SPATA17: variants seen among roughly 807,000 people sequenced by gnomAD.
The protein encoded by SPATA17 is spermatogenesis associated 17.
SPATA17 carries 53 observed loss-of-function variants against 62.2 expected under a neutral mutation model. That is an observed-to-expected ratio of 0.85 (90% CI 0.68 to 1.07). The LOEUF is 1.07. Ranked by LOEUF, SPATA17 falls within the 50% of genes least tolerant of loss-of-function variation. The pLI is 0.00. For missense variants in SPATA17, 466 were observed against 425.5 expected (o/e 1.10, Z -0.84); for synonymous variants, 146 against 146.8 (o/e 0.99, Z 0.04).
At chr1:217,633,412 A>G (rs1379828191) in intron 1 of SPATA17, among the ~76,000 whole-genome samples, 2 of 152,038 alleles carry the variant, frequency 1.3e-5, no homozygotes, top group Non-Finnish European at 2.9e-5. Context: ...TTTTAGAGCT[A>G]TAGAACAATG....
At chr1:217,681,188 C>T (rs566899168) in intron 4 of SPATA17, among the ~76,000 whole-genome samples, 47 of 151,208 alleles carry the variant, frequency 3.1e-4, no homozygotes, top group African/African-American at 1.1e-3. Flanking sequence ...AATCGCGCCA[C>T]TGCACTCCAG....
chr1:217,643,180 C>G (rs1670105202), intron 1 of SPATA17, among the ~76,000 whole-genome samples: 1 of 151,584 alleles, frequency 6.6e-6, no homozygotes, highest in East Asian at 1.9e-4. Flanking sequence ...TAGTTTTTTT[C>G]TCTTACCTTT....
intron 1 of SPATA17, among the ~76,000 whole-genome samples, chr1:217,632,620 GAC>G (rs1341224248): frequency 2.0e-5 from 3 of 152,128 alleles, no homozygotes; most frequent in Non-Finnish European, 2.9e-5. Flanking sequence ...TAGTAGCAGA[GAC>G]AGTGTCTCTT....
At chr1:217,693,235 G>A (rs1437422554) in intron 5 of SPATA17, among the ~76,000 whole-genome samples, 4 of 147,906 alleles carry the variant, frequency 2.7e-5, no homozygotes, top group South Asian at 2.2e-4. Context: ...TGTATGTGTC[G>A]AGGAATGTAT....
intron 9 of SPATA17, among the ~76,000 whole-genome samples, chr1:217,819,745 A>G (rs1178251810): frequency 6.6e-6 from 1 of 152,000 alleles, no homozygotes; most frequent in Non-Finnish European, 1.5e-5. Context: ...ATTTCCTAGT[A>G]AGGCTGAAGG....
intron 5 of SPATA17, among the ~76,000 whole-genome samples, chr1:217,704,471 C>G (rs934441910): frequency 6.6e-6 from 1 of 150,572 alleles, no homozygotes; most frequent in South Asian, 2.1e-4. Context: ...AGGATGGTCT[C>G]GATCTCCTGA....
intron 2 of SPATA17, 130 bp downstream of exon 2, chr1:217,649,101 A>G: frequency 1.7e-6 from 1 of 598,106 alleles, no homozygotes; most frequent in South Asian, 2.8e-5. Context: ...GATAAATTGT[A>G]TGTATTTCTT....
At chr1:217,858,703 C>T (rs964177812) in intron 9 of SPATA17, among the ~76,000 whole-genome samples, 1 of 138,584 alleles carries the variant, frequency 7.2e-6, no homozygotes, top group Non-Finnish European at 1.6e-5. Flanking sequence ...GCCTGGGCGA[C>T]ATAGCAAGAC....
At chr1:217,848,514 A>G (rs925625314) in intron 9 of SPATA17, among the ~76,000 whole-genome samples, 4 of 152,118 alleles carry the variant, frequency 2.6e-5, no homozygotes, top group South Asian at 2.1e-4. Flanking sequence ...GTAACTTTTT[A>G]TATTCCCTGG....
At chr1:217,738,339 C>T (rs1431534048) in intron 5 of SPATA17, among the ~76,000 whole-genome samples, 2 of 152,180 alleles carry the variant, frequency 1.3e-5, no homozygotes, top group African/African-American at 4.8e-5. Context: ...AGTGCACTCT[C>T]ATCCAGAGAG....
chr1:217,785,281 C>T (rs1673832699), intron 8 of SPATA17, among the ~76,000 whole-genome samples: 1 of 152,108 alleles, frequency 6.6e-6, no homozygotes, highest in Admixed American at 6.6e-5. Context: ...TCCGTTCTCA[C>T]ACTGCTATGA....
At chr1:217,820,854 T>C (rs1438009275) in intron 9 of SPATA17, among the ~76,000 whole-genome samples, 3 of 152,022 alleles carry the variant, frequency 2.0e-5, no homozygotes, top group African/African-American at 7.2e-5. Flanking sequence ...AGCCGGGTAG[T>C]TTTTAAAGAC....
In SPATA17 at chr1:217,727,247, CAATAATAATAAT is replaced by C. The variant is rs59885913; in HGVS notation, c.396-14698_396-14687del. Among the ~76,000 whole-genome samples the C allele has an allele frequency of 6.6e-4, 87 of 132,776 alleles. 1 individual carries two copies. Among genetic ancestry groups the C allele is most frequent in the Admixed American group, 2.8e-3 (39 of 13,748 alleles). 87.1% of individuals were successfully genotyped at this position (132,776 alleles called of 152,430 possible). On this transcript the variant is annotated intron_variant, in intron 5 of 10. Transcript: ENST00000366933. ...GGGCAACAAGAGCAAAACTCCGTCT[CAATAATAATAAT>C]AATAATAATAATAATAATAATAATA...
At chr1:217,775,660 C>T (rs1347365054) in intron 7 of SPATA17, among the ~76,000 whole-genome samples, 1 of 151,982 alleles carries the variant, frequency 6.6e-6, no homozygotes, top group Non-Finnish European at 1.5e-5. Context: ...CGAGATCGTG[C>T]CACTGCCCTC....
intron 9 of SPATA17, among the ~76,000 whole-genome samples, chr1:217,849,089 T>A (rs1212041714): frequency 6.6e-6 from 1 of 152,220 alleles, no homozygotes; most frequent in African/African-American, 2.4e-5. Flanking sequence ...TTGGTTCTGC[T>A]TTTTGCATCA....
At chr1:217,704,450 C>T (rs968413120) in intron 5 of SPATA17, among the ~76,000 whole-genome samples, 33 of 150,346 alleles carry the variant, frequency 2.2e-4, no homozygotes, top group African/African-American at 7.8e-4. Flanking sequence ...CGGGGTTTCA[C>T]CTTGTTAGCC....
chr1:217,651,889 G>A (rs990926793), intron 3 of SPATA17, among the ~76,000 whole-genome samples: 19 of 152,108 alleles, frequency 1.2e-4, no homozygotes, highest in African/African-American at 4.1e-4. Context: ...AGTAACCGTC[G>A]TACTCATTTG....
chr1:217,723,252 A>C (rs1215947878), intron 5 of SPATA17, among the ~76,000 whole-genome samples: 1 of 152,204 alleles, frequency 6.6e-6, no homozygotes, highest in Non-Finnish European at 1.5e-5. Context: ...GAAAAGTAAA[A>C]GGATTGGGAT....
rs544330167 is a variant in SPATA17, at chr1:217,764,254, C to T, written c.520-10080C>T. On this transcript the variant is annotated intron_variant, in intron 6 of 10. Transcript: ENST00000366933. ...GCTCTGCCTCTTCATCCCTCCCTCCCTACAACCTCCGTAAGCCACTGATCC... is the reference window on the plus strand; with the variant it reads ...GCTCTGCCTCTTCATCCCTCCCTCCTTACAACCTCCGTAAGCCACTGATCC... Among the ~76,000 whole-genome samples the T allele has an allele frequency of 3.3e-5, 5 of 152,284 alleles. No individual in the cohort carries two copies. The East Asian group carries it at 9.7e-4, about 29-fold the overall frequency.
Sources: allele counts gnomAD v4.1 joint callset (sites outside exome capture counted in the v4.1 genomes callset), GRCh38; gene constraint gnomAD v4.1.1; transcripts MANE v1.5; gene names NCBI Gene and HGNC (gene_info 2026-07-23, HGNC 2026-07-21).